The following CABIN1 variants were observed in gnomAD, a reference collection of about 807,000 sequenced individuals.
CABIN1 encodes calcineurin-binding protein cabin-1.
Under a neutral mutation model 227.7 loss-of-function variants are expected in CABIN1, and 133 were observed. That is an observed-to-expected ratio of 0.58 (90% confidence interval 0.51 to 0.67). CABIN1 has a LOEUF of 0.67. Ranked by LOEUF, CABIN1 falls within the 30% of genes least tolerant of loss-of-function variation. The probability of loss-of-function intolerance (pLI) is 0.00; values close to 1 mark genes in which losing one functional copy is unlikely to be tolerated. For synonymous variants in CABIN1, 1,086 were observed against 1,155.1 expected, an observed-to-expected ratio of 0.94 and a Z score of 1.21; for missense variants, 2,408 against 2,852.5, an observed-to-expected ratio of 0.84 and a Z score of 3.55.
At chr22:24,060,747 A>T (rs1351830042) in intron 12 of CABIN1, among the ~76,000 whole-genome samples, 1 of 151,858 alleles carries the variant, frequency 6.6e-6, no homozygotes, top group Admixed American at 6.6e-5. Context: ...AAGTAGCTGG[A>T]ACCACAGCCG....
intron 1 of CABIN1, among the ~76,000 whole-genome samples, chr22:24,019,292 G>A (rs191818124): frequency 1.3e-4 from 19 of 149,360 alleles, no homozygotes; most frequent in East Asian, 8.1e-4. Flanking sequence ...CACCATGCCC[G>A]GCTGATTTTT....
intron 1 of CABIN1, among the ~76,000 whole-genome samples, chr22:24,021,173 T>TTTTA (rs898942531): frequency 1.2e-3 from 175 of 151,696 alleles, no homozygotes; most frequent in Admixed American, 3.8e-3. Context: ...CTAATTTTTA[T>TTTTA]TTTATTTATT....
chr22:24,031,966 G>A (rs757505704), intron 1 of CABIN1, among the ~76,000 whole-genome samples: 1 of 152,144 alleles, frequency 6.6e-6, no homozygotes, highest in South Asian at 2.1e-4. Context: ...GTTTACTTCT[G>A]GATATTTAAA....
Position 24,176,303 on chromosome 22 carries a change from C to T in CABIN1, c.6205+28C>T, listed in dbSNP as rs1247792519. 1.5e-5 allele frequency: 23 copies of T among 1,578,502 alleles called. No homozygotes were observed. In the South Asian group the frequency reaches 2.4e-4, roughly 17 times the overall value. On this transcript the variant is annotated intron_variant, in intron 35 of 36. Transcript: ENST00000263119. ...AAGGCGAGTTGGGAGCAGCCCAGCA[C>T]CAGCCCCCAGGAGGCTGCCTCACAG... is the stretch of plus-strand genomic sequence containing the variant.
At chr22:24,015,037 G>A (rs1280502526) in intron 1 of CABIN1, among the ~76,000 whole-genome samples, 2 of 152,130 alleles carry the variant, frequency 1.3e-5, no homozygotes, top group Non-Finnish European at 2.9e-5. Flanking sequence ...GCTGAGGTGG[G>A]CAGATTGCCT....
chr22:24,032,893 A>T (rs2146884048), intron 1 of CABIN1, among the ~76,000 whole-genome samples: 1 of 152,276 alleles, frequency 6.6e-6, no homozygotes, highest in African/African-American at 2.4e-5. Flanking sequence ...CCTGGCCAAC[A>T]TGGTGAAACC....
At chr22:24,143,766 C>A (rs376678806) in intron 29 of CABIN1, among the ~76,000 whole-genome samples, 1 of 152,144 alleles carries the variant, frequency 6.6e-6, no homozygotes, top group African/African-American at 2.4e-5. Flanking sequence ...ATTGTACAGA[C>A]GGGGAAGTTG....
At chr22:24,056,081 A>G (rs2038772427) in intron 9 of CABIN1, 111 bp from the exon 10 acceptor site, 1 of 935,884 alleles carries the variant, frequency 1.1e-6, no homozygotes, top group Non-Finnish European at 1.7e-6. Context: ...TTTGAATGTC[A>G]AAGAGTTTAA....
chr22:24,093,609 C>T lies in CABIN1; in HGVS notation c.3786+1766C>T, dbSNP rs5996666. Among the ~76,000 whole-genome samples the T allele has an allele frequency of 1.7e-3, 260 of 151,964 alleles. 1 individual carries two copies. Among genetic ancestry groups the T allele is most frequent in the African/African-American group, 5.9e-3 (244 of 41,430 alleles). On this transcript the variant is annotated intron_variant, in intron 24 of 36. Transcript: ENST00000263119. ...TTGGGCCAGGCATGGTGGCTCACAC[C>T]TATAATCCCACTGCTTTGGGAGGAT...
intron 28 of CABIN1, among the ~76,000 whole-genome samples, chr22:24,131,810 A>C (rs1431431203): frequency 6.6e-6 from 1 of 152,152 alleles, no homozygotes; most frequent in Non-Finnish European, 1.5e-5. Context: ...TCGCGCCTGT[A>C]ATTCCAACAC....
At chr22:24,142,764 C>T (rs2044847239) in intron 29 of CABIN1, among the ~76,000 whole-genome samples, 1 of 152,180 alleles carries the variant, frequency 6.6e-6, no homozygotes, top group African/African-American at 2.4e-5. Context: ...TGAGTTGCCT[C>T]CCAGCAGGTA....
intron 25 of CABIN1, among the ~76,000 whole-genome samples, chr22:24,097,183 A>T (rs897712139): frequency 1.3e-5 from 2 of 152,228 alleles, no homozygotes; most frequent in African/African-American, 2.4e-5. Flanking sequence ...ATTCTGTTAA[A>T]TTTTTTTTAA....
intron 4 of CABIN1, 79 bp from the exon 5 acceptor site, chr22:24,041,060 C>G (rs1482728100): frequency 4.4e-6 from 7 of 1,586,608 alleles, no homozygotes; most frequent in East Asian, 4.5e-5. Flanking sequence ...CAGAGGCCAG[C>G]CTGGAAGCCA....
intron 4 of CABIN1, among the ~76,000 whole-genome samples, 171 bp downstream of exon 4, chr22:24,038,632 GT>G (rs1202814389): frequency 2.6e-5 from 4 of 152,204 alleles, no homozygotes; most frequent in Admixed American, 6.5e-5. Flanking sequence ...GCCTCATTGA[GT>G]TTTTATGAGG....
intron 7 of CABIN1, among the ~76,000 whole-genome samples, chr22:24,050,310 C>T (rs2038224623): frequency 6.6e-6 from 1 of 152,118 alleles, no homozygotes; most frequent in Admixed American, 6.5e-5. Context: ...CTGGGAAGCA[C>T]CAGGACAGTC....
chr22:24,044,580 A>C (rs1569115840), intron 6 of CABIN1, among the ~76,000 whole-genome samples: 1 of 152,148 alleles, frequency 6.6e-6, no homozygotes, highest in Non-Finnish European at 1.5e-5. Flanking sequence ...TATTTTCTCT[A>C]TTTTAGCATT....
intron 34 of CABIN1, 116 bp from the exon 35 acceptor site, chr22:24,175,995 C>A: frequency 8.0e-7 from 1 of 1,245,032 alleles, no homozygotes; most frequent in Non-Finnish European, 1.1e-6. Flanking sequence ...GCATTGGCCA[C>A]ACTCCCCTGC....
At chr22:24,119,299 G>A in intron 27 of CABIN1, 68 bp from the exon 28 acceptor site, 1 of 1,373,618 alleles carries the variant, frequency 7.3e-7, no homozygotes, top group Admixed American at 1.7e-5. Context: ...TCCGTTACTG[G>A]TGGTAGACCA....
intron 1 of CABIN1, among the ~76,000 whole-genome samples, chr22:24,021,671 C>T (rs1448534645): frequency 1.3e-5 from 2 of 151,934 alleles, no homozygotes; most frequent in African/African-American, 2.4e-5. Flanking sequence ...TGTGTCCTTG[C>T]ATCTCCTTTG....
Sources: gnomAD v4.1 joint callset for allele counts (sites outside exome capture counted in the v4.1 genomes callset) on GRCh38, gnomAD v4.1.1 for gene constraint, MANE v1.5 for transcripts, NCBI Gene and HGNC (gene_info 2026-07-23, HGNC 2026-07-21) for gene names.